Variants in UPF2 observed in about 807,000 individuals in gnomAD.
The protein encoded by UPF2 is UPF2 regulator of nonsense mediated mRNA decay, also known as regulator of nonsense transcripts 2.
A neutral mutation model predicts 141.4 loss-of-function variants in UPF2; 17 were observed. That is an observed-to-expected ratio of 0.12 (90% CI 0.08 to 0.18). The LOEUF (loss-of-function observed/expected upper bound fraction) is 0.18. Ranked by LOEUF, UPF2 falls within the 10% of genes least tolerant of loss-of-function variation. The probability of loss-of-function intolerance (pLI) is 1.00; values close to 1 mark genes in which losing one functional copy is unlikely to be tolerated. For missense variants in UPF2, 1,152 were observed against 1,515.9 expected (o/e 0.76, Z 3.99); for synonymous variants, 540 against 498.0 (o/e 1.08, Z -1.12).
intron 21 of UPF2, among the ~76,000 whole-genome samples, chr10:11,923,942 T>C (rs902373200): frequency 2.3e-4 from 35 of 152,110 alleles, no homozygotes; most frequent in Middle Eastern, 3.4e-3. Flanking sequence ...TTAGTAAGAG[T>C]CTAGAGAGTT....
At chr10:11,946,563 T>C (rs1029522788) in intron 16 of UPF2, among the ~76,000 whole-genome samples, 2 of 152,238 alleles carry the variant, frequency 1.3e-5, no homozygotes, top group Non-Finnish European at 2.9e-5. Context: ...ATTAAAATCA[T>C]ACTTCCAGTG....
intron 3 of UPF2, among the ~76,000 whole-genome samples, chr10:12,025,834 G>A (rs1383721309): frequency 7.2e-5 from 11 of 152,054 alleles, no homozygotes; most frequent in Admixed American, 7.2e-4. Context: ...TCTCTCTGTC[G>A]CCCAGGCTAG....
chr10:12,029,240 G>C lies in UPF2; in HGVS notation c.650C>G (p.Ser217Cys), dbSNP rs753818877. The C allele has an allele frequency of 6.2e-7, 1 of 1,614,132 alleles. No homozygotes were observed. The highest frequency in any genetic ancestry group is 1.1e-5 in the South Asian group (1 of 91,082). The change falls in exon 3 of 22, where the codon TCT (serine) becomes TGT (cysteine). Residue 217 changes from serine to cysteine, a missense_variant. By Grantham distance (112) the Ser-to-Cys change is moderately radical. This residue lies in a region of UPF2 where 739 missense variants were observed against 1,032.2 expected (regional missense o/e 0.72). Coordinates refer to ENST00000357604, the MANE Select transcript of UPF2 (RefSeq NM_015542.4). The part of the protein sequence containing the change: ...ASIVEAKLKI[S>C]DVNCAVHLCS... ...GAGGTGCACAGCACAGTTCACATCA[G>C]AGATTTTTAGTTTTGCTTCCACGAT...
At chr10:11,977,198 T>C (rs1236291952) in intron 9 of UPF2, among the ~76,000 whole-genome samples, 1 of 152,170 alleles carries the variant, frequency 6.6e-6, no homozygotes, top group East Asian at 1.9e-4. Context: ...AATGAAATAG[T>C]TGCAGCGGGG....
At chr10:12,017,712 G>A (rs953411352) in intron 3 of UPF2, among the ~76,000 whole-genome samples, 4 of 152,082 alleles carry the variant, frequency 2.6e-5, no homozygotes, top group East Asian at 1.9e-4. Context: ...TTGTTTGTTC[G>A]TTTTATAGCT....
rs34766091 is a variant in UPF2, at chr10:11,939,517, C to CT, written c.3379-2806dup. ...TTATTGTCAGTTTAAAATGTTTTAT[C>CT]TTTTTTTTTTTTTAAGACGAAGTCT... On this transcript the variant is annotated intron_variant, in intron 18 of 21. Coordinates refer to ENST00000357604, the MANE Select transcript of UPF2 (RefSeq NM_015542.4). This position sits in a 1 kb window ranked among gnomAD's most constrained non-coding sequence, Gnocchi z 4.8. Among the ~76,000 whole-genome samples, 85,379 of 146,404 alleles carry CT rather than the reference C, an allele frequency of 0.58. 26,468 individuals carry two copies. The highest frequency in any genetic ancestry group is 0.84 in the East Asian group (4,244 of 5,030).
At chr10:12,002,960 T>C (rs1833976803) in intron 5 of UPF2, among the ~76,000 whole-genome samples, 1 of 152,242 alleles carries the variant, frequency 6.6e-6, no homozygotes, top group African/African-American at 2.4e-5. Context: ...TCTAATCTCC[T>C]AATTTATGCA....
chr10:12,028,686 C>T, intron 3 of UPF2, 59 bp downstream of exon 3: 1 of 1,497,316 alleles, frequency 6.7e-7, no homozygotes. Context: ...AGACTTTAAA[C>T]ATTTTTAAGT....
chr10:11,964,822 C>T (rs1390286264), intron 10 of UPF2, among the ~76,000 whole-genome samples: 2 of 152,120 alleles, frequency 1.3e-5, no homozygotes, highest in South Asian at 2.1e-4. Flanking sequence ...AGAAATGTTT[C>T]GGATTTCCAA....
At position 11,976,513 on chromosome 10, in the gene UPF2, G is replaced by A. The variant is rs192303199; in HGVS notation, c.1953+2544C>T. ...TGGGAAATACAGAAGCAGATTCAAG[G>A]AAGTAAAAGACATTTTTAAGAAGAA... On this transcript the variant is annotated intron_variant, in intron 9 of 21. Transcript: ENST00000357604. 1.8e-3 allele frequency among the ~76,000 whole-genome samples: 277 copies of A among 152,296 alleles called. 1 individual carries two copies. The highest frequency in any genetic ancestry group is 3.3e-3 in the Non-Finnish European group (225 of 68,004).
At chr10:11,976,733 CA>C (rs1833511410) in intron 9 of UPF2, among the ~76,000 whole-genome samples, 1 of 152,020 alleles carries the variant, frequency 6.6e-6, no homozygotes, top group Non-Finnish European at 1.5e-5. Flanking sequence ...CAAAGAAACT[CA>C]GCTAGGAAAA....
At chr10:11,967,205 G>C (rs996122347) in intron 10 of UPF2, 136 bp downstream of exon 10, 11 of 504,800 alleles carry the variant, frequency 2.2e-5, no homozygotes, top group Non-Finnish European at 1.3e-5. Context: ...TTGCACACTT[G>C]TTTAACGTTA....
At chr10:11,946,803 T>C (rs1469078798) in intron 16 of UPF2, among the ~76,000 whole-genome samples, 8 of 150,104 alleles carry the variant, frequency 5.3e-5, no homozygotes, top group Non-Finnish European at 3.0e-5. Context: ...TGGACATGAA[T>C]TCCTGGGCTC....
intron 14 of UPF2, among the ~76,000 whole-genome samples, chr10:11,952,937 A>G (rs1464072107): frequency 1.3e-5 from 2 of 152,184 alleles, no homozygotes; most frequent in East Asian, 1.9e-4. Flanking sequence ...GATAATGTTC[A>G]TTATTTTCTC....
intron 4 of UPF2, among the ~76,000 whole-genome samples, chr10:12,007,943 T>C (rs1223930146): frequency 6.6e-6 from 1 of 150,570 alleles, no homozygotes; most frequent in Non-Finnish European, 1.5e-5. Flanking sequence ...CAGGCTGGAG[T>C]GCAATCTCAG....
rs751955020 is a variant in UPF2, at chr10:11,979,119, G to A, written c.1891C>T (p.Pro631Ser). Residue 631 changes from proline (P) to serine (S), a missense_variant, in exon 9 of 22, where the codon CCC becomes TCC. By Grantham distance (74) the Pro-to-Ser change is moderately conservative. Around this residue, in one of 4 missense-constraint regions of UPF2, gnomAD observed 739 missense variants for 1,032.2 expected, o/e 0.72. Transcript: ENST00000357604. The surrounding 1 kb of genome is among the most constrained non-coding windows in gnomAD (Gnocchi z 6.2). ...FYARLVATLH[P>S]CMSDVAEDLC... The stretch of plus-strand genomic sequence containing the variant: ...TCCTCTGCTACATCAGACATGCAGG[G>A]ATGCAATGTAGCAACCAATCTTGCA... The A allele has an allele frequency of 5.0e-6, 8 of 1,613,430 alleles. No homozygotes were observed. Among genetic ancestry groups the A allele is most frequent in the Non-Finnish European group, 6.8e-6 (8 of 1,179,598 alleles).
At chr10:11,967,212 G>A (rs890468295) in intron 10 of UPF2, 129 bp downstream of exon 10, 3 of 524,882 alleles carry the variant, frequency 5.7e-6, no homozygotes, top group African/African-American at 2.0e-5. Flanking sequence ...CTTGTTTAAC[G>A]TTACTTTTTC....
At chr10:11,957,415 C>T (rs555767045) in intron 12 of UPF2, among the ~76,000 whole-genome samples, 7 of 151,798 alleles carry the variant, frequency 4.6e-5, no homozygotes, top group African/African-American at 1.4e-4. Context: ...GGTGACAGAG[C>T]GAGACTCCAT....
intron 3 of UPF2, 46 bp downstream of exon 3, chr10:12,028,699 G>A (rs757059277): frequency 1.3e-6 from 2 of 1,522,714 alleles, no homozygotes; most frequent in Admixed American, 2.2e-5. Flanking sequence ...TTTTAAGTAT[G>A]AGCTCCAAAA....
Sources: gnomAD v4.1 joint callset for allele counts (sites outside exome capture counted in the v4.1 genomes callset) on GRCh38, gnomAD v4.1.1 for gene constraint, gnomAD v4.1.1 regional missense constraint, Gnocchi (gnomAD v3.1) non-coding constraint, MANE v1.5 for transcripts, NCBI Gene and HGNC (gene_info 2026-07-23, HGNC 2026-07-21) for gene names.